The following XG variants were observed in gnomAD, a reference collection of about 807,000 sequenced individuals.
XG encodes the protein glycoprotein Xg.
XG carries 24 observed loss-of-function variants against 25.7 expected under a neutral mutation model. The observed-to-expected ratio is 0.93, with a 90% confidence interval of 0.68 to 1.31. The LOEUF is 1.31. Ranked by LOEUF, XG falls within the 40% of genes most tolerant of loss-of-function variation. XG has a pLI of 0.00. For missense variants in XG, 181 were observed against 187.6 expected (o/e 0.96, Z 0.21); for synonymous variants, 77 against 69.2 (o/e 1.11, Z -0.56).
intron 3 of XG, among the ~76,000 whole-genome samples, chrX:2,780,860 G>T (rs1333605314): frequency 2.0e-5 from 3 of 152,168 alleles, no homozygotes; most frequent in Admixed American, 2.0e-4. Flanking sequence ...TTGAGTTTCT[G>T]ATTAGCCTTT....
intron 1 of XG, among the ~76,000 whole-genome samples, chrX:2,764,433 C>T (rs1200152772): frequency 7.9e-5 from 12 of 152,260 alleles, no homozygotes; most frequent in Middle Eastern, 3.4e-3. Context: ...GACCTCTTTC[C>T]GGTCACAAGT....
At chrX:2,813,365 T>A (rs962439653) in intron 10 of XG, among the ~76,000 whole-genome samples, 5 of 111,677 alleles carry the variant, frequency 4.5e-5, no homozygotes, top group African/African-American at 1.6e-4. Flanking sequence ...GCCTTTATAC[T>A]ATCTAGGAAA....
chrX:2,770,584 T>G lies in XG; in HGVS notation c.96T>G (p.Asp32Glu), dbSNP rs1173178405. The G allele has an allele frequency of 6.2e-7, 1 of 1,613,970 alleles. No homozygotes were observed. The highest frequency in any genetic ancestry group is 1.7e-5 in the Admixed American group (1 of 59,998). Residue 32 changes from aspartate to glutamate, a missense_variant, in exon 2 of 11, where the codon GAT becomes GAG. Coordinates refer to ENST00000644266, the MANE Select transcript of XG (RefSeq NM_001141919.2). ...QRDFDLADAL[D>E]DPEPTKKPNS... ...ACTTTGATTTGGCAGATGCCCTTGATGACCCTGGTAAGTGCCGATATTTCA... is the reference window on the plus strand; with the variant it reads ...ACTTTGATTTGGCAGATGCCCTTGAGGACCCTGGTAAGTGCCGATATTTCA...
chrX:2,808,310 C>T, intron 9 of XG, 90 bp downstream of exon 9: 1 of 1,080,691 alleles, frequency 9.3e-7, no homozygotes, highest in Non-Finnish European at 1.3e-6. Flanking sequence ...CTTCTGTTTC[C>T]CAACCTCATG....
At chrX:2,774,819 T>C in intron 3 of XG, 80 bp downstream of exon 3, 2 of 1,564,678 alleles carry the variant, frequency 1.3e-6, no homozygotes, top group Non-Finnish European at 1.8e-6. Context: ...GAGGATGTTT[T>C]ACAGAACTGT....
intron 3 of XG, 108 bp downstream of exon 3, chrX:2,774,847 T>A: frequency 4.3e-6 from 6 of 1,382,648 alleles, no homozygotes; most frequent in Non-Finnish European, 6.2e-6. Flanking sequence ...ATGAAAGAGA[T>A]GCAACAACTG....
At chrX:2,809,857 T>G (rs759276941) in intron 9 of XG, among the ~76,000 whole-genome samples, 1 of 112,091 alleles carries the variant, frequency 8.9e-6, no homozygotes, top group East Asian at 2.8e-4. Context: ...CATCACATGG[T>G]GACCAGACAG....
intron 4 of XG, among the ~76,000 whole-genome samples, chrX:2,783,957 G>C (rs1324597745): frequency 9.0e-6 from 1 of 111,330 alleles, no homozygotes; most frequent in African/African-American, 3.3e-5. Flanking sequence ...CCGGGGAACA[G>C]AATGAGATTC....
chrX:2,784,725 G>A (rs1469476095), intron 4 of XG, among the ~76,000 whole-genome samples: 8 of 111,796 alleles, frequency 7.2e-5, no homozygotes, highest in Non-Finnish European at 1.3e-4. Context: ...GGCTCAGGCT[G>A]GGGAGGTGAC....
chrX:2,755,132 C>T (rs765494272), intron 1 of XG, among the ~76,000 whole-genome samples: 18 of 152,108 alleles, frequency 1.2e-4, no homozygotes, highest in Non-Finnish European at 2.2e-4. Flanking sequence ...GGGTCCGGAT[C>T]CAGACGCCAA....
intron 4 of XG, among the ~76,000 whole-genome samples, chrX:2,789,048 T>G (rs1280244835): frequency 1.8e-5 from 2 of 110,960 alleles, no homozygotes; most frequent in South Asian, 3.8e-4. Flanking sequence ...CTGGGCAACA[T>G]AGCAAGACCT....
At chrX:2,758,321 C>T (rs1428937568) in intron 1 of XG, among the ~76,000 whole-genome samples, 3 of 152,174 alleles carry the variant, frequency 2.0e-5, no homozygotes, top group African/African-American at 4.8e-5. Context: ...CCAGTCCCCA[C>T]CCACTGAGGT....
intron 10 of XG, 105 bp downstream of exon 10, chrX:2,811,557 C>A (rs2087056884): frequency 3.7e-6 from 2 of 536,955 alleles, no homozygotes; most frequent in Non-Finnish European, 6.0e-6. Context: ...TGGTTAAGTT[C>A]AATATACATA....
At chrX:2,781,414 A>G (rs892595470) in intron 3 of XG, among the ~76,000 whole-genome samples, 5 of 151,094 alleles carry the variant, frequency 3.3e-5, no homozygotes, top group African/African-American at 1.2e-4. Flanking sequence ...GATTAAGTCA[A>G]TTTACTGAGG....
In XG at chrX:2,815,170, C is replaced by G. The variant is rs1207987335; in HGVS notation, c.*790C>G. On this transcript the variant is annotated 3_prime_UTR_variant, in exon 11 of 11. Transcript: ENST00000644266. Reference sequence around the variant, plus strand: ...TTTAGTCTTTGATACTCTGTAAGTGCTAGTTCCTAAGGCACCAACATTGCA... The same window carrying G: ...TTTAGTCTTTGATACTCTGTAAGTGGTAGTTCCTAAGGCACCAACATTGCA... The G allele has an allele frequency of 9.0e-6, 1 of 111,306 alleles. No individual in the cohort carries two copies. Among genetic ancestry groups the G allele is most frequent in the Non-Finnish European group, 1.9e-5 (1 of 53,063 alleles). The allele number at this position is 111,306 out of a possible 1,213,427, so 9.2% of individuals were successfully genotyped here.
chrX:2,752,969 C>T, intron 1 of XG: 1 of 985,386 alleles, frequency 1.0e-6, no homozygotes, highest in Non-Finnish European at 1.2e-6. Flanking sequence ...CTCCAATGAA[C>T]TCATAAAGTA....
At chrX:2,777,327 A>G (rs2051021513) in intron 3 of XG, among the ~76,000 whole-genome samples, 1 of 152,238 alleles carries the variant, frequency 6.6e-6, no homozygotes, top group Non-Finnish European at 1.5e-5. Flanking sequence ...TTTAAGGTTA[A>G]GTGTTCCTGC....
chrX:2,790,971 ATT>A (rs2086832266), intron 5 of XG, among the ~76,000 whole-genome samples: 3 of 24,606 alleles, frequency 1.2e-4, no homozygotes, highest in Non-Finnish European at 3.7e-4. Flanking sequence ...TAGTAAATAA[ATT>A]TAAATGTTTT....
At chrX:2,770,138 G>A (rs757822282) in intron 1 of XG, among the ~76,000 whole-genome samples, 1 of 152,256 alleles carries the variant, frequency 6.6e-6, no homozygotes, top group South Asian at 2.1e-4. Context: ...CTGGCCATGA[G>A]CAGGAATGAA....
Sources: gnomAD v4.1 joint callset for allele counts (sites outside exome capture counted in the v4.1 genomes callset) on GRCh38, gnomAD v4.1.1 for gene constraint, MANE v1.5 for transcripts, NCBI Gene and HGNC (gene_info 2026-07-23, HGNC 2026-07-21) for gene names.